The following FRMPD4 variants were observed in gnomAD, a reference collection of about 807,000 sequenced individuals.
FRMPD4 encodes the protein FERM and PDZ domain containing 4, also known as FERM and PDZ domain-containing protein 4.
A neutral mutation model predicts 94.1 loss-of-function variants in FRMPD4; 22 were observed. The observed-to-expected ratio is 0.23, with a 90% confidence interval of 0.17 to 0.33. The LOEUF (loss-of-function observed/expected upper bound fraction) is 0.33, where lower values mean the gene tolerates loss of function less well. Among genes scored for constraint, FRMPD4 ranks in the 10% least tolerant of loss-of-function variants. FRMPD4 has a pLI of 1.00. For missense variants in FRMPD4, 1,111 were observed against 1,339.9 expected (o/e 0.83, Z 2.67); for synonymous variants, 631 against 548.6 (o/e 1.15, Z -2.10).
chrX:12,281,869 A>G (rs12846283), intron 1 of FRMPD4, among the ~76,000 whole-genome samples: 41,116 of 109,632 alleles, frequency 0.38, 5,939 homozygotes, highest in East Asian at 0.87. Context: ...ATGATCAGTA[A>G]CATTCCTAGG....
chrX:12,670,179 C>T (rs192557810), intron 4 of FRMPD4, among the ~76,000 whole-genome samples: 1 of 112,219 alleles, frequency 8.9e-6, no homozygotes, highest in African/African-American at 3.2e-5. Flanking sequence ...CCCAACCTAC[C>T]ACCTTACAGT....
intron 1 of FRMPD4, among the ~76,000 whole-genome samples, chrX:11,850,516 A>G (rs1288725400): frequency 8.9e-6 from 1 of 112,663 alleles, no homozygotes; most frequent in Non-Finnish European, 1.9e-5. Context: ...TCATAGCAGT[A>G]TTATTCACAA....
intron 1 of FRMPD4, among the ~76,000 whole-genome samples, chrX:12,163,590 A>T (rs1171508458): frequency 9.0e-6 from 1 of 110,731 alleles, no homozygotes; most frequent in Non-Finnish European, 1.9e-5. Context: ...TAGGGTTTTC[A>T]TTCAGTGCCA....
chrX:12,023,207 A>T (rs982663400), intron 3 of FRMPD4, among the ~76,000 whole-genome samples: 6 of 111,587 alleles, frequency 5.4e-5, no homozygotes, highest in African/African-American at 2.0e-4. Context: ...GACACTCACC[A>T]GACTCCCATC....
chrX:12,548,663 T>C (rs1028204984), intron 2 of FRMPD4, among the ~76,000 whole-genome samples: 4 of 112,314 alleles, frequency 3.6e-5, no homozygotes, highest in African/African-American at 1.3e-4. Flanking sequence ...TTCTGTGGAC[T>C]GATTAAATGA....
intron 1 of FRMPD4, among the ~76,000 whole-genome samples, chrX:12,198,496 A>G (rs1312819949): frequency 8.9e-6 from 1 of 112,227 alleles, no homozygotes; most frequent in East Asian, 2.8e-4. Flanking sequence ...CTGTGTGCAC[A>G]TTAATGATTG....
chrX:12,023,439 C>A lies in FRMPD4; in HGVS notation c.95+145421C>A, dbSNP rs1307402369. ...CATCTTATCAATGAGTTTGTTCCTGCTCACTGGATTTTTAATTTCCAACCC... is the reference window on the plus strand; with the variant it reads ...CATCTTATCAATGAGTTTGTTCCTGATCACTGGATTTTTAATTTCCAACCC... On this transcript the variant is annotated intron_variant, in intron 3 of 18. Coordinates refer to the FRMPD4 transcript ENST00000640291. Among the ~76,000 whole-genome samples the A allele has an allele frequency of 2.7e-5, 3 of 111,713 alleles. No homozygotes were observed. The East Asian group carries it at 8.4e-4, about 31-fold the overall frequency.
intron 1 of FRMPD4, among the ~76,000 whole-genome samples, chrX:12,230,073 G>A (rs1195793133): frequency 2.7e-5 from 3 of 110,993 alleles, no homozygotes; most frequent in Admixed American, 1.9e-4. Flanking sequence ...GCTCTTCCAT[G>A]CCTTCTTCTT....
At chrX:12,441,121 T>C (rs1601946299) in intron 1 of FRMPD4, among the ~76,000 whole-genome samples, 1 of 112,135 alleles carries the variant, frequency 8.9e-6, no homozygotes, top group South Asian at 3.7e-4. Context: ...TTCACTGTGC[T>C]GTTGAAAGCC....
At chrX:12,671,856 G>A (rs1332947090) in intron 4 of FRMPD4, among the ~76,000 whole-genome samples, 1 of 111,235 alleles carries the variant, frequency 9.0e-6, no homozygotes, top group Non-Finnish European at 1.9e-5. Context: ...AGCTCCCCAG[G>A]GCCAGTTCCT....
chrX:12,606,979 G>A (rs2059137108), intron 2 of FRMPD4, among the ~76,000 whole-genome samples: 1 of 111,352 alleles, frequency 9.0e-6, no homozygotes, highest in South Asian at 3.8e-4. Context: ...TCAGCTTCAG[G>A]AGGGATCAAT....
chrX:12,350,334 T>C (rs1459863095), intron 1 of FRMPD4, among the ~76,000 whole-genome samples: 1 of 111,789 alleles, frequency 8.9e-6, no homozygotes, highest in African/African-American at 3.2e-5. Context: ...AGAGAGCTTT[T>C]TTTTCTAATT....
chrX:12,095,082 A>G (rs2055186824), intron 3 of FRMPD4, among the ~76,000 whole-genome samples: 1 of 111,559 alleles, frequency 9.0e-6, no homozygotes, highest in African/African-American at 3.3e-5. Flanking sequence ...TGAGAAAAGG[A>G]AATAAAAATA....
chrX:12,236,194 A>G (rs1036050066), intron 1 of FRMPD4, among the ~76,000 whole-genome samples: 8 of 112,384 alleles, frequency 7.1e-5, no homozygotes, highest in African/African-American at 2.3e-4. Context: ...TTAATCTTGA[A>G]TAAGTCACTT....
At chrX:12,193,774 G>GAAAGAAA (rs748805072) in intron 1 of FRMPD4, among the ~76,000 whole-genome samples, 516 of 24,707 alleles carry the variant, frequency 0.021, 64 homozygotes, top group African/African-American at 0.077. Flanking sequence ...AAGAAAGAAA[G>GAAAGAAA]GAAGGAAGGA....
chrX:11,836,984 T>C, intron 1 of FRMPD4, among the ~76,000 whole-genome samples: 1 of 112,259 alleles, frequency 8.9e-6, no homozygotes, highest in South Asian at 3.7e-4. Flanking sequence ...TTCAACAGTT[T>C]CCTCCATTCT....
At chrX:11,869,225 C>T (rs1390896626) in intron 2 of FRMPD4, among the ~76,000 whole-genome samples, 4 of 112,206 alleles carry the variant, frequency 3.6e-5, no homozygotes, top group Admixed American at 9.5e-5. Context: ...ACATATATCT[C>T]TAAGACATAC....
intron 1 of FRMPD4, among the ~76,000 whole-genome samples, chrX:11,854,766 C>A (rs1333472292): frequency 1.8e-5 from 2 of 112,528 alleles, no homozygotes; most frequent in Non-Finnish European, 3.8e-5. Context: ...GGTACAGCTC[C>A]CTTCCTGGCT....
intron 3 of FRMPD4, among the ~76,000 whole-genome samples, chrX:12,053,428 A>AAGAAAGAAAGAAAGAG (rs1569149860): frequency 5.4e-5 from 5 of 93,167 alleles, no homozygotes. Context: ...GAAAGAAAGA[A>AAGAAAGAAAGAAAGAG]AGAGAAAGAA....
Sources: allele counts gnomAD v4.1 joint callset (sites outside exome capture counted in the v4.1 genomes callset), GRCh38; gene constraint gnomAD v4.1.1; transcripts MANE v1.5; gene names NCBI Gene and HGNC (gene_info 2026-07-23, HGNC 2026-07-21).